Variants in FIP1L1 observed in about 807,000 individuals in gnomAD.
FIP1L1 encodes pre-mRNA 3'-end-processing factor FIP1.
FIP1L1 carries 21 observed loss-of-function variants against 84.6 expected under a neutral mutation model. The ratio of observed to expected loss-of-function variants is 0.25; its 90% CI spans 0.18 to 0.36. The LOEUF (loss-of-function observed/expected upper bound fraction) is 0.36, where lower values mean the gene tolerates loss of function less well. FIP1L1 is among the 10% of genes least tolerant of loss of function. The pLI, the probability that FIP1L1 is intolerant of heterozygous loss-of-function variation, is 1.00. For missense variants in FIP1L1, 526 were observed against 751.1 expected, an observed-to-expected ratio of 0.70 and a Z score of 3.50; for synonymous variants, 263 against 242.3, an observed-to-expected ratio of 1.09 and a Z score of -0.80.
intron 10 of FIP1L1, among the ~76,000 whole-genome samples, chr4:53,404,021 T>G (rs1294977590): frequency 6.6e-6 from 1 of 151,442 alleles, no homozygotes; most frequent in East Asian, 1.9e-4. Context: ...TTTTTTTTTT[T>G]TATTATACTT....
rs138633370 is a variant in FIP1L1, at chr4:53,427,376, G to T, written c.1018-651G>T. On this transcript the variant is annotated intron_variant, in intron 12 of 17. Coordinates refer to ENST00000337488, the MANE Select transcript of FIP1L1 (RefSeq NM_030917.4). Reference sequence around the variant, plus strand: ...CTTGTTTTATTTCAGTAGGTTTGGGGTGCTTCTTATGGTGCCTGTCCCTTA... The same window carrying T: ...CTTGTTTTATTTCAGTAGGTTTGGGTTGCTTCTTATGGTGCCTGTCCCTTA... Among the ~76,000 whole-genome samples, 276 of 152,252 alleles carry T rather than the reference G, an allele frequency of 1.8e-3. 1 individual carries two copies. The highest frequency in any genetic ancestry group is 6.4e-3 in the African/African-American group (266 of 41,550).
chr4:53,426,710 T>A, intron 12 of FIP1L1, among the ~76,000 whole-genome samples: 1 of 152,210 alleles, frequency 6.6e-6, no homozygotes, highest in East Asian at 1.9e-4. Context: ...AAAATTATCA[T>A]TTGTATGTTT....
At chr4:53,440,100 G>T (rs1225773251) in intron 13 of FIP1L1, among the ~76,000 whole-genome samples, 1 of 151,834 alleles carries the variant, frequency 6.6e-6, no homozygotes, top group Non-Finnish European at 1.5e-5. Flanking sequence ...AACAATACTA[G>T]AACAGTCAAC....
At chr4:53,428,644 T>C (rs1244847728) in intron 13 of FIP1L1, among the ~76,000 whole-genome samples, 1 of 152,230 alleles carries the variant, frequency 6.6e-6, no homozygotes, top group Admixed American at 6.5e-5. Flanking sequence ...ACTGGGTGCC[T>C]GGTATTTATT....
intron 10 of FIP1L1, among the ~76,000 whole-genome samples, chr4:53,405,222 C>CT (rs1752622522): frequency 6.6e-6 from 1 of 152,112 alleles, no homozygotes; most frequent in Non-Finnish European, 1.5e-5. Context: ...CAGCTCTCTA[C>CT]ATATGGCTAG....
intron 15 of FIP1L1, among the ~76,000 whole-genome samples, chr4:53,452,415 T>G (rs1716628806): frequency 6.6e-6 from 1 of 151,888 alleles, no homozygotes; most frequent in Non-Finnish European, 1.5e-5. Flanking sequence ...GCCTCCCGGG[T>G]TCAAGTGATT....
intron 16 of FIP1L1, among the ~76,000 whole-genome samples, chr4:53,456,864 A>G (rs1213686052): frequency 6.6e-6 from 1 of 152,102 alleles, no homozygotes; most frequent in Non-Finnish European, 1.5e-5. Flanking sequence ...TCCAGGTTCA[A>G]CAAGAGCTGG....
intron 11 of FIP1L1, among the ~76,000 whole-genome samples, chr4:53,422,072 G>A (rs1218065435): frequency 6.6e-6 from 1 of 152,150 alleles, no homozygotes; most frequent in African/African-American, 2.4e-5. Flanking sequence ...GGCATTTTGA[G>A]AAATAGCTCT....
chr4:53,443,169 G>A (rs1424105547), intron 14 of FIP1L1, among the ~76,000 whole-genome samples: 1 of 152,104 alleles, frequency 6.6e-6, no homozygotes, highest in Non-Finnish European at 1.5e-5. Context: ...TGTGGCAGTA[G>A]CCTTATTTTT....
At chr4:53,380,160 C>T (rs1321079327) in intron 3 of FIP1L1, among the ~76,000 whole-genome samples, 2 of 121,422 alleles carry the variant, frequency 1.6e-5, no homozygotes, top group Admixed American at 9.2e-5. Flanking sequence ...AAAACATATT[C>T]AGACAAAAAC....
intron 4 of FIP1L1, 98 bp from the exon 5 acceptor site, chr4:53,383,675 G>C: frequency 9.9e-7 from 1 of 1,006,592 alleles, no homozygotes; most frequent in South Asian, 2.0e-5. Context: ...ACAGAAGAAA[G>C]AAAAAAAAAA....
chr4:53,384,257 T>C (rs28416355), intron 5 of FIP1L1, among the ~76,000 whole-genome samples: 19,711 of 151,574 alleles, frequency 0.13, 2,555 homozygotes, highest in African/African-American at 0.32. Flanking sequence ...AAAAATACAA[T>C]AATTAGCCAG....
intron 15 of FIP1L1, among the ~76,000 whole-genome samples, chr4:53,449,817 TG>T (rs2150349363): frequency 6.6e-6 from 1 of 152,270 alleles, no homozygotes; most frequent in African/African-American, 2.4e-5. Context: ...GTTTTGAGTT[TG>T]GTAAGTTTTT....
rs1223812705 is a variant in FIP1L1, at chr4:53,460,416, A to T, written c.*967A>T. 1 of 190,010 alleles carries T rather than the reference A, an allele frequency of 5.3e-6. No individual in the cohort carries two copies. The highest frequency in any genetic ancestry group is 2.3e-5 in the African/African-American group (1 of 42,892). 11.8% of individuals were successfully genotyped at this position (190,010 alleles called of 1,614,324 possible). A position where few individuals can be genotyped will look rare whatever the true frequency, so the allele number is the denominator to read the frequency against. On this transcript the variant is annotated 3_prime_UTR_variant, in exon 18 of 18. Coordinates refer to ENST00000337488, the MANE Select transcript of FIP1L1 (RefSeq NM_030917.4). ...GGATCTTTTAAATAGTGATAATACA[A>T]AAGTAATCTTAATTAGTATCACATA... is the stretch of plus-strand genomic sequence containing the variant.
rs747757251 is a variant in FIP1L1, at chr4:53,407,582, G to A, written c.816-7033G>A. Reference sequence around the variant, plus strand: ...GGTATCCTTGTTAACTTTCTGTCTCGTTGGTCTGTCTAATGTTGACAGTGG... The same window carrying A: ...GGTATCCTTGTTAACTTTCTGTCTCATTGGTCTGTCTAATGTTGACAGTGG... On this transcript the variant is annotated intron_variant, in intron 10 of 17. Transcript: ENST00000337488. 6.5e-4 allele frequency among the ~76,000 whole-genome samples: 76 copies of A among 116,554 alleles called. 1 individual carries two copies. The highest frequency in any genetic ancestry group is 2.4e-4 in the Non-Finnish European group (12 of 49,340). The allele number at this position is 116,554 out of a possible 152,430, so 76.5% of individuals were successfully genotyped here. A position where few individuals can be genotyped will look rare whatever the true frequency, so the allele number is the denominator to read the frequency against.
chr4:53,420,542 A>G (rs1762011736), intron 11 of FIP1L1, among the ~76,000 whole-genome samples: 1 of 151,686 alleles, frequency 6.6e-6, no homozygotes, highest in South Asian at 2.1e-4. Flanking sequence ...AATAAATTGT[A>G]TGTCCAGAAA....
At chr4:53,435,878 T>C (rs1379896829) in intron 13 of FIP1L1, among the ~76,000 whole-genome samples, 2 of 152,208 alleles carry the variant, frequency 1.3e-5, no homozygotes, top group African/African-American at 4.8e-5. Context: ...TCCTGATACA[T>C]AGAAACGCAT....
At chr4:53,411,627 T>C (rs1273509135) in intron 10 of FIP1L1, among the ~76,000 whole-genome samples, 1 of 152,218 alleles carries the variant, frequency 6.6e-6, no homozygotes, top group Non-Finnish European at 1.5e-5. Flanking sequence ...ACTAATGAGC[T>C]GTGCTACTGA....
chr4:53,449,033 G>A (rs1775348371), intron 15 of FIP1L1, among the ~76,000 whole-genome samples: 6 of 151,702 alleles, frequency 4.0e-5, no homozygotes, highest in Admixed American at 3.9e-4. Flanking sequence ...AAGTCTATTT[G>A]GGAAATACTC....
Sources: allele counts gnomAD v4.1 joint callset (sites outside exome capture counted in the v4.1 genomes callset), GRCh38; gene constraint gnomAD v4.1.1; transcripts MANE v1.5; gene names NCBI Gene and HGNC (gene_info 2026-07-23, HGNC 2026-07-21).